Variants in POU6F2 observed in about 807,000 individuals in gnomAD.
POU6F2 encodes the protein POU class 6 homeobox 2.
A neutral mutation model predicts 71.3 loss-of-function variants in POU6F2; 31 were observed. That is an observed-to-expected ratio of 0.43 (90% CI 0.33 to 0.59). The LOEUF (loss-of-function observed/expected upper bound fraction) is 0.59. Among genes scored for constraint, POU6F2 ranks in the 20% least tolerant of loss-of-function variants. The probability of loss-of-function intolerance (pLI) is 0.04; values close to 1 mark genes in which losing one functional copy is unlikely to be tolerated. For synonymous variants in POU6F2, 347 were observed against 355.7 expected, an observed-to-expected ratio of 0.98 and a Z score of 0.27; for missense variants, 783 against 856.8, an observed-to-expected ratio of 0.91 and a Z score of 1.07.
chr7:39,422,563 C>G (rs1224623651), intron 6 of POU6F2, among the ~76,000 whole-genome samples: 1 of 152,110 alleles, frequency 6.6e-6, no homozygotes, highest in African/African-American at 2.4e-5. Context: ...GGAGCTGTGC[C>G]ATTGTTTACA....
chr7:39,235,533 G>A (rs576777336), intron 4 of POU6F2, among the ~76,000 whole-genome samples: 3 of 152,274 alleles, frequency 2.0e-5, no homozygotes, highest in East Asian at 3.9e-4. Context: ...TCCCCTGAGA[G>A]TCAAAGTTTC....
chr7:39,279,581 C>T (rs996391401), intron 4 of POU6F2, among the ~76,000 whole-genome samples: 2 of 152,168 alleles, frequency 1.3e-5, no homozygotes, highest in East Asian at 3.9e-4. Flanking sequence ...CAGGGCCACA[C>T]TCCCTCTGAA....
At chr7:39,432,392 A>G (rs1239211280) in intron 6 of POU6F2, among the ~76,000 whole-genome samples, 1 of 152,162 alleles carries the variant, frequency 6.6e-6, no homozygotes, top group East Asian at 1.9e-4. Flanking sequence ...TAAGAGTTTC[A>G]AAAGCTTGTT....
chr7:39,062,347 A>G (rs1217268436), intron 1 of POU6F2, among the ~76,000 whole-genome samples: 1 of 152,060 alleles, frequency 6.6e-6, no homozygotes, highest in Non-Finnish European at 1.5e-5. Flanking sequence ...TCATGCTTTG[A>G]GAACTGTCGA....
At chr7:39,034,451 G>T in intron 1 of POU6F2, 1 of 427,698 alleles carries the variant, frequency 2.3e-6, no homozygotes. Context: ...AGCAGTTCTA[G>T]AATACTTTAT....
chr7:39,029,639 TAAAA>T (rs1789894115), intron 1 of POU6F2, among the ~76,000 whole-genome samples: 1 of 132,306 alleles, frequency 7.6e-6, no homozygotes, highest in Non-Finnish European at 1.7e-5. Context: ...TGTATACAAA[TAAAA>T]AGAAAGAACA....
chr7:39,148,975 TA>T (rs1251305673), intron 2 of POU6F2, among the ~76,000 whole-genome samples: 9 of 152,276 alleles, frequency 5.9e-5, no homozygotes, highest in African/African-American at 2.2e-4. Flanking sequence ...TTTTTGATAG[TA>T]GAACCTTGAG....
At chr7:39,143,465 A>T (rs1380677973) in intron 2 of POU6F2, among the ~76,000 whole-genome samples, 1 of 152,250 alleles carries the variant, frequency 6.6e-6, no homozygotes, top group Non-Finnish European at 1.5e-5. Context: ...CTCTCTGCTC[A>T]TTAGAAACTT....
chr7:39,069,005 T>A (rs1188771365), intron 1 of POU6F2, among the ~76,000 whole-genome samples: 1 of 152,138 alleles, frequency 6.6e-6, no homozygotes, highest in Non-Finnish European at 1.5e-5. Flanking sequence ...GACCTGCGGA[T>A]CACACATAAA....
At chr7:39,312,720 T>G (rs922693930) in intron 4 of POU6F2, among the ~76,000 whole-genome samples, 21 of 152,172 alleles carry the variant, frequency 1.4e-4, no homozygotes, top group African/African-American at 4.1e-4. Flanking sequence ...TTAAGTAAAG[T>G]AAGGGTTACT....
chr7:38,998,660 T>G (rs1045728685), intron 1 of POU6F2, among the ~76,000 whole-genome samples: 1 of 151,662 alleles, frequency 6.6e-6, no homozygotes, highest in African/African-American at 2.4e-5. Flanking sequence ...TCACATTTTT[T>G]TTTTTTTTGA....
intron 4 of POU6F2, among the ~76,000 whole-genome samples, chr7:39,216,441 C>G (rs976367705): frequency 1.3e-5 from 2 of 151,906 alleles, no homozygotes; most frequent in Admixed American, 6.6e-5. Context: ...TTAGGGCATA[C>G]GAAAGAATGA....
intron 4 of POU6F2, among the ~76,000 whole-genome samples, chr7:39,272,047 G>A (rs541632679): frequency 1.9e-4 from 29 of 152,028 alleles, no homozygotes; most frequent in African/African-American, 6.3e-4. Flanking sequence ...CTAGTGCTTC[G>A]GAAAAACATT....
chr7:38,994,930 A>G (rs1340687672), intron 1 of POU6F2, among the ~76,000 whole-genome samples: 3 of 152,144 alleles, frequency 2.0e-5, no homozygotes, highest in African/African-American at 7.2e-5. Context: ...CCAGTCCTTA[A>G]CTTCCAAGAA....
intron 4 of POU6F2, among the ~76,000 whole-genome samples, chr7:39,306,622 T>C (rs917648430): frequency 3.3e-5 from 5 of 152,186 alleles, no homozygotes; most frequent in African/African-American, 1.2e-4. Flanking sequence ...CCTTCGAGTT[T>C]TTAGGTCTAG....
chr7:39,293,822 C>T (rs150504190), intron 4 of POU6F2, among the ~76,000 whole-genome samples: 16 of 152,306 alleles, frequency 1.1e-4, no homozygotes, highest in Admixed American at 2.0e-4. Flanking sequence ...GAGGACATCT[C>T]TTTTTCTACA....
At chr7:39,114,783 T>C (rs1177458882) in intron 2 of POU6F2, among the ~76,000 whole-genome samples, 2 of 152,198 alleles carry the variant, frequency 1.3e-5, no homozygotes, top group Non-Finnish European at 2.9e-5. Context: ...GCTTTGCTGC[T>C]AATTGGAGAA....
intron 1 of POU6F2, among the ~76,000 whole-genome samples, chr7:38,999,613 A>C (rs981233286): frequency 1.3e-5 from 2 of 152,194 alleles, no homozygotes; most frequent in African/African-American, 4.8e-5. Flanking sequence ...TTGTCTATGC[A>C]GAGGTGACAA....
intron 7 of POU6F2, among the ~76,000 whole-genome samples, chr7:39,443,310 G>T (rs997991508): frequency 1.3e-5 from 2 of 152,164 alleles, no homozygotes; most frequent in Non-Finnish European, 2.9e-5. Flanking sequence ...CAAAGAGCGG[G>T]CTCCCTTCAC....
Sources: allele counts gnomAD v4.1 joint callset (sites outside exome capture counted in the v4.1 genomes callset), GRCh38; gene constraint gnomAD v4.1.1; transcripts MANE v1.5; gene names NCBI Gene and HGNC (gene_info 2026-07-23, HGNC 2026-07-21).